The following C4orf51 variants were observed in gnomAD, a reference collection of about 807,000 sequenced individuals.
C4orf51 encodes the protein chromosome 4 open reading frame 51.
C4orf51 carries 25 observed loss-of-function variants against 25.2 expected under a neutral mutation model. That is an observed-to-expected ratio of 0.99 (90% CI 0.72 to 1.39). The LOEUF is 1.39. Ranked by LOEUF, C4orf51 falls within the 40% of genes most tolerant of loss-of-function variation. The pLI is 0.00. For missense variants in C4orf51, 252 were observed against 239.6 expected, an observed-to-expected ratio of 1.05 and a Z score of -0.34; for synonymous variants, 100 against 84.5, an observed-to-expected ratio of 1.18 and a Z score of -1.01.
At chr4:145,735,088 G>T (rs1434569282), downstream of C4orf51, among the ~76,000 whole-genome samples, 2 of 152,180 alleles carry the variant, frequency 1.3e-5, no homozygotes, top group Non-Finnish European at 2.9e-5. Context: ...AAGTTGCAAC[G>T]TGACATGAAA....
chr4:145,770,745 T>TA (rs1454580680), intron 1 of C4orf51, among the ~76,000 whole-genome samples: 1 of 152,202 alleles, frequency 6.6e-6, no homozygotes, highest in African/African-American at 2.4e-5. Flanking sequence ...TCTACTTAAA[T>TA]AGTACCTTAA....
chr4:145,735,636 A>C (rs1255463816), downstream of C4orf51, among the ~76,000 whole-genome samples: 3 of 152,148 alleles, frequency 2.0e-5, no homozygotes, highest in Non-Finnish European at 4.4e-5. Flanking sequence ...AATGAGAATG[A>C]ACTTTGGCTG....
chr4:145,716,996 G>A (rs1487325531), intron 2 of C4orf51, among the ~76,000 whole-genome samples: 1 of 152,106 alleles, frequency 6.6e-6, no homozygotes, highest in Admixed American at 6.5e-5. Flanking sequence ...CCTGTGTTTG[G>A]GAAATTAAAC....
chr4:145,771,642 CTAA>C (rs1736301779), downstream of C4orf51, among the ~76,000 whole-genome samples: 1 of 152,128 alleles, frequency 6.6e-6, no homozygotes, highest in Non-Finnish European at 1.5e-5. Context: ...GCGGAAATGC[CTAA>C]TGAGAGGACA....
At chr4:145,748,917 A>C (rs1203113636) in intron 1 of C4orf51, among the ~76,000 whole-genome samples, 1 of 151,958 alleles carries the variant, frequency 6.6e-6, no homozygotes, top group Non-Finnish European at 1.5e-5. Flanking sequence ...TTCAATGTTT[A>C]GTTGTTAATT....
chr4:145,729,413 T>C (rs1732310093), intron 4 of C4orf51, among the ~76,000 whole-genome samples, 184 bp downstream of exon 4: 1 of 148,988 alleles, frequency 6.7e-6, no homozygotes, highest in African/African-American at 2.5e-5. Context: ...GCCATTCTCC[T>C]GCCTCAGCCT....
intron 2 of C4orf51, among the ~76,000 whole-genome samples, chr4:145,717,049 T>C (rs1342009265): frequency 1.3e-5 from 2 of 152,188 alleles, no homozygotes; most frequent in African/African-American, 4.8e-5. Flanking sequence ...TGACAGCACA[T>C]CTGATCTGAG....
chr4:145,726,886 A>T, intron 2 of C4orf51, 25 bp from the exon 3 acceptor site: 2 of 1,591,412 alleles, frequency 1.3e-6, no homozygotes, highest in African/African-American at 2.7e-5. Context: ...TTTAATCCTG[A>T]TTTTCCCTCT....
chr4:145,733,080 C>CG (rs1188173652), downstream of C4orf51, among the ~76,000 whole-genome samples: 2 of 152,112 alleles, frequency 1.3e-5, no homozygotes, highest in Non-Finnish European at 2.9e-5. Flanking sequence ...AGCTCAGGGG[C>CG]GGAGTCGTGG....
At chr4:145,716,600 A>G (rs1054092847) in intron 2 of C4orf51, among the ~76,000 whole-genome samples, 5 of 152,246 alleles carry the variant, frequency 3.3e-5, no homozygotes, top group African/African-American at 9.6e-5. Context: ...AATGATTGTA[A>G]TATCAAATTA....
chr4:145,681,238 C>A (rs1728822863), intron 1 of C4orf51, among the ~76,000 whole-genome samples: 1 of 152,094 alleles, frequency 6.6e-6, no homozygotes, highest in African/African-American at 2.4e-5. Flanking sequence ...AATATTTTAT[C>A]CAAATTCTTG....
chr4:145,771,161 T>C (rs548842952), downstream of C4orf51: 22 of 152,368 alleles, frequency 1.4e-4, no homozygotes, highest in African/African-American at 5.0e-4. Context: ...GTAGTAAATA[T>C]ATTAACCTTT....
chr4:145,768,341 T>A (rs1423001734), intron 1 of C4orf51, among the ~76,000 whole-genome samples: 1 of 152,242 alleles, frequency 6.6e-6, no homozygotes, highest in East Asian at 1.9e-4. Flanking sequence ...ATTTTTGTAT[T>A]TTCAGAAGAG....
intron 3 of C4orf51, among the ~76,000 whole-genome samples, chr4:145,727,895 GTATATA>G (rs35521926): frequency 0.14 from 14,677 of 101,598 alleles, 1,374 homozygotes; most frequent in African/African-American, 0.28. Context: ...AAAAAAATGT[GTATATA>G]TATATATATA....
downstream of C4orf51, among the ~76,000 whole-genome samples, chr4:145,757,010 A>G (rs1369570516): frequency 1.3e-5 from 2 of 152,250 alleles, no homozygotes; most frequent in African/African-American, 2.4e-5. Context: ...ATTTTTGTCA[A>G]CCATCATAGA....
intron 1 of C4orf51, chr4:145,760,772 G>A: frequency 1.8e-6 from 2 of 1,130,048 alleles, no homozygotes; most frequent in Non-Finnish European, 2.2e-6. Context: ...ACAGAACATG[G>A]CTGCCCTCAG....
chr4:145,782,200 C>T, the C4orf51 span, among the ~76,000 whole-genome samples: 1 of 152,336 alleles, frequency 6.6e-6, no homozygotes, highest in African/African-American at 2.4e-5. Context: ...ATTTTGCACA[C>T]AGGAACAAGG....
intron 1 of C4orf51, among the ~76,000 whole-genome samples, 162 bp from the exon 2 acceptor site, chr4:145,696,397 C>T (rs1003334965): frequency 3.9e-5 from 6 of 152,152 alleles, no homozygotes; most frequent in South Asian, 2.1e-4. Context: ...AACAAACCCC[C>T]GTTACACGAG....
At chr4:145,775,714 C>T, downstream of C4orf51, 1 of 1,558,512 alleles carries the variant, frequency 6.4e-7, no homozygotes. Flanking sequence ...GATGTATGCC[C>T]ACAGCAGACA....
Sources: allele counts gnomAD v4.1 joint callset (sites outside exome capture counted in the v4.1 genomes callset), GRCh38; gene constraint gnomAD v4.1.1; transcripts MANE v1.5; gene names NCBI Gene and HGNC (gene_info 2026-07-23, HGNC 2026-07-21).